STAG1: variants seen among roughly 807,000 people sequenced by gnomAD.
STAG1 encodes STAG1 cohesin complex component.
A neutral mutation model predicts 170.9 loss-of-function variants in STAG1; 26 were observed. The observed-to-expected ratio is 0.15, with a 90% CI of 0.11 to 0.21. STAG1 has a LOEUF of 0.21. Ranked by LOEUF, STAG1 falls within the 10% of genes least tolerant of loss-of-function variation. The probability of loss-of-function intolerance (pLI) is 1.00; values close to 1 mark genes in which losing one functional copy is unlikely to be tolerated. For missense variants in STAG1, 964 were observed against 1,509.5 expected, an observed-to-expected ratio of 0.64 and a Z score of 5.99; for synonymous variants, 514 against 497.7, an observed-to-expected ratio of 1.03 and a Z score of -0.44.
At chr3:136,566,340 A>G (rs1254152628) in intron 5 of STAG1, among the ~76,000 whole-genome samples, 2 of 152,208 alleles carry the variant, frequency 1.3e-5, no homozygotes, top group Admixed American at 6.5e-5. Context: ...AATGTGGAAG[A>G]GGGCCCTCAC....
chr3:136,374,686 A>G (rs372288534), intron 23 of STAG1, among the ~76,000 whole-genome samples: 10 of 152,104 alleles, frequency 6.6e-5, no homozygotes, highest in African/African-American at 2.2e-4. Context: ...ATTACAAAAG[A>G]GTTTAAAAGT....
chr3:136,715,005 T>TAAAAATATAATAAAAATAA (rs1943498608), intron 1 of STAG1, among the ~76,000 whole-genome samples: 1 of 116,874 alleles, frequency 8.6e-6, no homozygotes, highest in African/African-American at 2.9e-5. Context: ...ATATATATAA[T>TAAAAATATAATAAAAATAA]ATATATATAA....
intron 6 of STAG1, among the ~76,000 whole-genome samples, chr3:136,523,920 T>C (rs1286818378): frequency 2.0e-5 from 3 of 152,208 alleles, no homozygotes; most frequent in African/African-American, 4.8e-5. Flanking sequence ...TGTGATATTA[T>C]TTCTGAGGGC....
At chr3:136,738,633 C>A (rs1934482508) in intron 1 of STAG1, among the ~76,000 whole-genome samples, 1 of 152,114 alleles carries the variant, frequency 6.6e-6, no homozygotes, top group Admixed American at 6.5e-5. Context: ...CCAGCCTAGG[C>A]AACAGAACAA....
At chr3:136,574,473 C>A (rs1347668836) in intron 4 of STAG1, among the ~76,000 whole-genome samples, 1 of 151,888 alleles carries the variant, frequency 6.6e-6, no homozygotes, top group African/African-American at 2.4e-5. Context: ...CATACACACA[C>A]ATATATACAT....
intron 4 of STAG1, among the ~76,000 whole-genome samples, chr3:136,591,897 T>C (rs935674543): frequency 3.1e-4 from 47 of 152,186 alleles, no homozygotes; most frequent in Non-Finnish European, 4.4e-5. Flanking sequence ...AATGGAGACC[T>C]CTTACATCTA....
At chr3:136,446,287 T>A (rs1284085170) in intron 14 of STAG1, among the ~76,000 whole-genome samples, 1 of 152,192 alleles carries the variant, frequency 6.6e-6, no homozygotes, top group Non-Finnish European at 1.5e-5. Context: ...TTTCTTATAC[T>A]CCTCTTTTCC....
chr3:136,651,454 T>C (rs1220951952), intron 1 of STAG1, among the ~76,000 whole-genome samples: 1 of 151,898 alleles, frequency 6.6e-6, no homozygotes, highest in Non-Finnish European at 1.5e-5. Flanking sequence ...CTGTAATATT[T>C]ACTAACTTGT....
At chr3:136,425,966 A>G in intron 16 of STAG1, among the ~76,000 whole-genome samples, 1 of 151,254 alleles carries the variant, frequency 6.6e-6, no homozygotes, top group South Asian at 2.1e-4. Flanking sequence ...ATTATCTCTC[A>G]GTTTTTTTTT....
chr3:136,638,479 G>A (rs943853888), intron 1 of STAG1, among the ~76,000 whole-genome samples: 2 of 151,958 alleles, frequency 1.3e-5, no homozygotes, highest in Non-Finnish European at 2.9e-5. Flanking sequence ...AACAGTTGTT[G>A]AATTAAAAAT....
At chr3:136,628,245 T>C (rs1052813397) in intron 2 of STAG1, among the ~76,000 whole-genome samples, 1 of 152,062 alleles carries the variant, frequency 6.6e-6, no homozygotes, top group Admixed American at 6.5e-5. Flanking sequence ...TTCACCTTCC[T>C]GAGGCCTCGC....
chr3:136,719,552 C>A (rs901740842), intron 1 of STAG1, among the ~76,000 whole-genome samples: 1 of 148,648 alleles, frequency 6.7e-6, no homozygotes, highest in Admixed American at 6.8e-5. Flanking sequence ...AAGCAAGGAG[C>A]GGCAGCACTA....
At chr3:136,737,808 G>A (rs1262743942) in intron 1 of STAG1, among the ~76,000 whole-genome samples, 6 of 152,030 alleles carry the variant, frequency 3.9e-5, no homozygotes, top group Admixed American at 6.6e-5. Flanking sequence ...GGTGGCTCAC[G>A]CCTGTAATCC....
At chr3:136,574,458 A>C (rs1482672090) in intron 4 of STAG1, among the ~76,000 whole-genome samples, 1 of 152,158 alleles carries the variant, frequency 6.6e-6, no homozygotes, top group Non-Finnish European at 1.5e-5. Flanking sequence ...GTGTATATAC[A>C]CATACATACA....
chr3:136,452,156 G>A lies in STAG1; in HGVS notation c.1314-9C>T. ...CATGTCTGCTAAATAGCCTGGAAAT[G>A]AAAAACAGGGCATTGCAAAGTTACA... is the stretch of plus-strand genomic sequence containing the variant. On this transcript the variant is annotated splice_polypyrimidine_tract_variant and intron_variant, in intron 13 of 33. Transcript: ENST00000383202. 1 of 1,566,920 alleles carries A rather than the reference G, an allele frequency of 6.4e-7. No individual in the cohort carries two copies. Among genetic ancestry groups the A allele is most frequent in the Non-Finnish European group, 8.8e-7 (1 of 1,140,714 alleles).
rs6790278 is a variant in STAG1 at position 136,571,695 on chromosome 3, G to A, written c.298-2834C>T. ...AAGACCAGCCTGGGCAACATACAAA[G>A]ACCCTCATCTCTACCAAAAAACAAA... On this transcript the variant is annotated intron_variant, in intron 4 of 33. Coordinates refer to ENST00000383202, the MANE Select transcript of STAG1 (RefSeq NM_005862.3). Among the ~76,000 whole-genome samples, 826 of 150,720 alleles carry A rather than the reference G, an allele frequency of 5.5e-3. 7 individuals carry two copies. The highest frequency in any genetic ancestry group is 0.019 in the African/African-American group (766 of 40,924).
chr3:136,663,157 A>C (rs1941634391), intron 1 of STAG1, among the ~76,000 whole-genome samples: 1 of 152,332 alleles, frequency 6.6e-6, no homozygotes, highest in Admixed American at 6.5e-5. Flanking sequence ...ACTGTGTAAG[A>C]GGATAAAAAA....
intron 6 of STAG1, 96 bp from the exon 7 acceptor site, chr3:136,521,513 C>A: frequency 9.7e-7 from 1 of 1,032,674 alleles, no homozygotes; most frequent in Non-Finnish European, 1.4e-6. Context: ...CCCTTTTTTG[C>A]AAAGCAGTTA....
At chr3:136,718,777 A>C (rs1216414132) in intron 1 of STAG1, among the ~76,000 whole-genome samples, 1 of 152,050 alleles carries the variant, frequency 6.6e-6, no homozygotes, top group Non-Finnish European at 1.5e-5. Flanking sequence ...ATACAAAAAA[A>C]TTGGCCAAGT....
Sources: gnomAD v4.1 joint callset for allele counts (sites outside exome capture counted in the v4.1 genomes callset) on GRCh38, gnomAD v4.1.1 for gene constraint, MANE v1.5 for transcripts, NCBI Gene and HGNC (gene_info 2026-07-23, HGNC 2026-07-21) for gene names.